NUDC: variants seen among roughly 807,000 people sequenced by gnomAD.
The protein encoded by NUDC is nuclear distribution C, dynein complex regulator.
A neutral mutation model predicts 45.0 loss-of-function variants in NUDC; 14 were observed. The observed-to-expected ratio is 0.31, with a 90% CI of 0.21 to 0.49. NUDC has a LOEUF of 0.49. Ranked by LOEUF, NUDC falls within the 20% of genes least tolerant of loss-of-function variation. NUDC has a pLI of 0.99. For missense variants in NUDC, 323 were observed against 426.2 expected (o/e 0.76, Z 2.13); for synonymous variants, 153 against 156.7 (o/e 0.98, Z 0.17).
chr1:26,916,639 GAA>G (rs2082063207), intron 3 of NUDC, among the ~76,000 whole-genome samples: 1 of 152,064 alleles, frequency 6.6e-6, no homozygotes, highest in South Asian at 2.1e-4. Flanking sequence ...TAGAAAGCAT[GAA>G]GTAGGCACTA....
chr1:26,920,211 C>T (rs1436598087), upstream of NUDC, among the ~76,000 whole-genome samples: 1 of 152,088 alleles, frequency 6.6e-6, no homozygotes, highest in Non-Finnish European at 1.5e-5. Flanking sequence ...TAGAACAGGC[C>T]GGGCGCAGTG....
rs189722836 is a variant in NUDC at position 26,937,533 on chromosome 1, C to T, written c.160-3924C>T. 1.3e-3 allele frequency among the ~76,000 whole-genome samples: 205 copies of T among 152,232 alleles called. 2 individuals are homozygous for T. Among genetic ancestry groups the T allele is most frequent in the African/African-American group, 3.3e-3 (136 of 41,556 alleles). On this transcript the variant is annotated intron_variant, in intron 2 of 8. Coordinates refer to ENST00000321265, the MANE Select transcript of NUDC (RefSeq NM_006600.4). ...CTGAGCTCAAGCGATCTGCCCGCCT[C>T]GGCCTTTCCAAAGTGCTGGGATTAC...
rs201987279 is a variant in NUDC, at chr1:26,946,227, C to G, written c.*46C>G. The G allele has an allele frequency of 4.8e-5, 74 of 1,541,884 alleles. No homozygotes were observed. In the African/African-American group the frequency reaches 1.0e-3, roughly 21 times the overall value. ...AACTCTTGGGGCTGAGCTGCAACCACCCAACTTTCTTTCCCACTCTTCTCT... is the reference window on the plus strand; with the variant it reads ...AACTCTTGGGGCTGAGCTGCAACCAGCCAACTTTCTTTCCCACTCTTCTCT... On this transcript the variant is annotated 3_prime_UTR_variant, in exon 9 of 9. Coordinates refer to ENST00000321265, the MANE Select transcript of NUDC (RefSeq NM_006600.4).
intron 2 of NUDC, among the ~76,000 whole-genome samples, chr1:26,902,682 C>T (rs2081985464): frequency 6.6e-6 from 1 of 151,478 alleles, no homozygotes; most frequent in Admixed American, 6.6e-5. Flanking sequence ...CCCAAGAGAG[C>T]AAGGCTGCAG....
chr1:26,914,434 T>C (rs937694488), intron 3 of NUDC, among the ~76,000 whole-genome samples: 1 of 152,114 alleles, frequency 6.6e-6, no homozygotes, highest in Non-Finnish European at 1.5e-5. Context: ...ACTAGCTTGT[T>C]TGCCTAACCT....
chr1:26,937,265 T>C (rs900371528), intron 2 of NUDC, among the ~76,000 whole-genome samples: 2 of 152,014 alleles, frequency 1.3e-5, no homozygotes, highest in Non-Finnish European at 2.9e-5. Flanking sequence ...CCCCATTGTT[T>C]AGGGGGGTTT....
At chr1:26,917,171 T>C (rs1485031680), upstream of NUDC, among the ~76,000 whole-genome samples, 1 of 151,990 alleles carries the variant, frequency 6.6e-6, no homozygotes, top group African/African-American at 2.4e-5. Context: ...AGCGGGAGGA[T>C]AGCTTGAACC....
At chr1:26,939,336 A>T (rs1182404268) in intron 2 of NUDC, among the ~76,000 whole-genome samples, 3 of 151,918 alleles carry the variant, frequency 2.0e-5, no homozygotes, top group Non-Finnish European at 4.4e-5. Context: ...TTTTAGAGAT[A>T]ATAACTTAGA....
At chr1:26,911,997 G>A (rs1570712361) in intron 3 of NUDC, 2 of 1,614,218 alleles carry the variant, frequency 1.2e-6, no homozygotes. Context: ...TGGGCTGCTG[G>A]GCACCAGGGT....
intron 3 of NUDC, among the ~76,000 whole-genome samples, chr1:26,914,321 C>T (rs1020808174): frequency 2.6e-5 from 4 of 152,310 alleles, no homozygotes; most frequent in Admixed American, 6.5e-5. Flanking sequence ...CATTGGTGCC[C>T]GCTCTTGTGT....
chr1:26,920,381 G>A (rs1303206826), upstream of NUDC, among the ~76,000 whole-genome samples: 3 of 152,022 alleles, frequency 2.0e-5, no homozygotes, highest in African/African-American at 7.2e-5. Flanking sequence ...CCAGCTACTT[G>A]GGAGGCTGAG....
chr1:26,927,418 G>A (rs2082143574), intron 2 of NUDC, among the ~76,000 whole-genome samples: 1 of 143,652 alleles, frequency 7.0e-6, no homozygotes, highest in South Asian at 2.2e-4. Flanking sequence ...TTTTTTTTGA[G>A]ACGGAGTCTT....
chr1:26,908,406 C>T (rs2082011497), intron 2 of NUDC, among the ~76,000 whole-genome samples: 1 of 152,110 alleles, frequency 6.6e-6, no homozygotes, highest in Admixed American at 6.6e-5. Flanking sequence ...TTTAGTTTTG[C>T]CATATTTGTC....
chr1:26,906,133 A>T (rs893100385), intron 2 of NUDC, among the ~76,000 whole-genome samples: 3 of 152,138 alleles, frequency 2.0e-5, no homozygotes. Flanking sequence ...ATACACAATT[A>T]GCAGGGCGTG....
At position 26,913,507 on chromosome 1, in the gene NUDC, G is replaced by A. The variant is rs778073494; in HGVS notation, c.93+2272G>A. On this transcript the variant is annotated intron_variant, in intron 3 of 6. Coordinates refer to the NUDC transcript ENST00000435827. ...CAGACAGCATTGAAGCCACTGCACC[G>A]CAGCCAGGGAGGGCTGGGGTCTGTC... is the stretch of plus-strand genomic sequence containing the variant. The A allele has an allele frequency of 6.6e-5, 107 of 1,613,254 alleles. No homozygotes were observed. Among genetic ancestry groups the A allele is most frequent in the Middle Eastern group, 1.7e-4 (1 of 6,058 alleles).
At chr1:26,912,652 C>G (rs1389342545) in intron 3 of NUDC, among the ~76,000 whole-genome samples, 1 of 152,160 alleles carries the variant, frequency 6.6e-6, no homozygotes, top group Non-Finnish European at 1.5e-5. Context: ...GCTCTCCTGG[C>G]CGAATTCCAT....
upstream of NUDC, chr1:26,921,712 AG>A: frequency 1.1e-6 from 1 of 931,306 alleles, no homozygotes; most frequent in East Asian, 2.7e-5. Flanking sequence ...GGGCCTGGGC[AG>A]CCGCGCGCGT....
chr1:26,926,605 CTTT>C (rs533535208), intron 2 of NUDC, among the ~76,000 whole-genome samples: 1 of 147,108 alleles, frequency 6.8e-6, no homozygotes, highest in African/African-American at 2.5e-5. Flanking sequence ...TTTTTTCTTT[CTTT>C]TTTTTTTTGA....
At chr1:26,934,595 GGT>G (rs1475653706) in intron 2 of NUDC, among the ~76,000 whole-genome samples, 3 of 151,994 alleles carry the variant, frequency 2.0e-5, no homozygotes, top group African/African-American at 7.3e-5. Context: ...TCTGTGACAA[GGT>G]ATTACTTCGT....
Sources: allele counts gnomAD v4.1 joint callset (sites outside exome capture counted in the v4.1 genomes callset), GRCh38; gene constraint gnomAD v4.1.1; transcripts MANE v1.5; gene names NCBI Gene and HGNC (gene_info 2026-07-23, HGNC 2026-07-21).